The following PDE4A variants were observed in gnomAD, a reference collection of about 807,000 sequenced individuals.
PDE4A encodes 3',5'-cyclic-AMP phosphodiesterase 4A.
In PDE4A, 21 loss-of-function variants were observed where a neutral mutation model predicts 73.9. The observed-to-expected ratio is 0.28, with a 90% CI of 0.20 to 0.41. The LOEUF is 0.41. Ranked by LOEUF, PDE4A falls within the 10% of genes least tolerant of loss-of-function variation. The pLI is 1.00. For missense variants in PDE4A, 958 were observed against 1,211.4 expected, an observed-to-expected ratio of 0.79 and a Z score of 3.10; for synonymous variants, 463 against 505.4, an observed-to-expected ratio of 0.92 and a Z score of 1.13.
Position 10,464,012 on chromosome 19 carries a change from G to A in PDE4A, c.1926+37G>A, listed in dbSNP as rs773247107. ...GGGCATTGATGGACGGGCACAGGGT[G>A]AGTCTCCCCAGCCCATCTTGGCCTG... On this transcript the variant is annotated intron_variant, in intron 14 of 14. Coordinates refer to ENST00000380702, the MANE Select transcript of PDE4A (RefSeq NM_001111307.2). 3.7e-6 allele frequency: 6 copies of A among 1,612,394 alleles called. No homozygotes were observed. In the East Asian group the frequency reaches 1.1e-4, roughly 30 times the overall value.
chr19:10,439,175 TTTTG>T (rs1379981492), intron 1 of PDE4A, among the ~76,000 whole-genome samples: 9 of 152,102 alleles, frequency 5.9e-5, no homozygotes, highest in South Asian at 2.1e-4. Context: ...TTTGAGGGTT[TTTTG>T]TTTGTTTGTT....
chr19:10,438,625 G>C (rs1224624403), intron 1 of PDE4A, among the ~76,000 whole-genome samples: 1 of 151,872 alleles, frequency 6.6e-6, no homozygotes, highest in Non-Finnish European at 1.5e-5. Flanking sequence ...GTTTGTTTTT[G>C]AGACAGAGTT....
rs1362878138 is a variant in PDE4A at position 10,420,717 on chromosome 19, A to G, written c.-48A>G. 1.4e-6 allele frequency: 2 copies of G among 1,447,050 alleles called. No individual in the cohort carries two copies. Among genetic ancestry groups the G allele is most frequent in the South Asian group, 1.4e-5 (1 of 69,832 alleles). The allele number at this position is 1,447,050 out of a possible 1,614,324, so 89.6% of individuals were successfully genotyped here. A position where few individuals can be genotyped will look rare whatever the true frequency, so the allele number is the denominator to read the frequency against. Reference sequence around the variant, plus strand: ...GCTTGCGCGCAGCTGAGCGGGGTGTAGGTTGGAAGGGCCAGGGCCCCCTGG... The same window carrying G: ...GCTTGCGCGCAGCTGAGCGGGGTGTGGGTTGGAAGGGCCAGGGCCCCCTGG... On this transcript the variant is annotated 5_prime_UTR_variant, in exon 1 of 15. Transcript: ENST00000380702. The surrounding 1 kb of genome is among the most constrained non-coding windows in gnomAD (Gnocchi z 6.0).
chr19:10,429,357 T>A (rs2042759169), intron 1 of PDE4A, among the ~76,000 whole-genome samples: 2 of 152,118 alleles, frequency 1.3e-5, no homozygotes, highest in South Asian at 4.1e-4. Context: ...TCTCTTTTTT[T>A]TCGTGAGACA....
At chr19:10,427,707 C>G (rs2042735424) in intron 1 of PDE4A, 1 of 948,278 alleles carries the variant, frequency 1.1e-6, no homozygotes, top group Non-Finnish European at 1.3e-6. Flanking sequence ...AGCCAAGTCA[C>G]TCCTCTCTGG....
chr19:10,440,487 G>A (rs1002721092), intron 1 of PDE4A, among the ~76,000 whole-genome samples: 3 of 152,120 alleles, frequency 2.0e-5, no homozygotes, highest in Admixed American at 1.3e-4. Flanking sequence ...GCAGTGGCAC[G>A]ATGTCAGCTC....
upstream of PDE4A, chr19:10,417,536 G>T: frequency 6.9e-7 from 1 of 1,441,026 alleles, no homozygotes. Flanking sequence ...TGGCTCACAC[G>T]TGAAGGGGAG....
At chr19:10,417,660 A>G (rs1356529354), upstream of PDE4A, 25 of 1,591,782 alleles carry the variant, frequency 1.6e-5, no homozygotes, top group Non-Finnish European at 2.0e-5. Context: ...CCCTCCCCAG[A>G]GGTCGAGGGA....
At chr19:10,417,231 C>A (rs918827366), upstream of PDE4A, 1 of 983,816 alleles carries the variant, frequency 1.0e-6, no homozygotes, top group African/African-American at 1.8e-5. Context: ...AGGATTTTGG[C>A]GAGGAGGTGG....
At chr19:10,422,242 C>T (rs897165568) in intron 1 of PDE4A, among the ~76,000 whole-genome samples, 3 of 152,124 alleles carry the variant, frequency 2.0e-5, no homozygotes, top group African/African-American at 7.2e-5. Context: ...ACTTGGGGAA[C>T]AATGTGATTG....
At chr19:10,457,492 G>A (rs2043190401) in intron 7 of PDE4A, among the ~76,000 whole-genome samples, 1 of 146,684 alleles carries the variant, frequency 6.8e-6, no homozygotes, top group South Asian at 2.2e-4. Context: ...TCTTCCCAGT[G>A]ATGCCACCCC....
chr19:10,417,860 C>G, upstream of PDE4A: 2 of 1,555,830 alleles, frequency 1.3e-6, no homozygotes, highest in Non-Finnish European at 1.7e-6. Flanking sequence ...GGGCCGAGAA[C>G]GACAGGTAGG....
chr19:10,464,452 T>C (rs888909050), intron 14 of PDE4A: 2 of 455,200 alleles, frequency 4.4e-6, no homozygotes, highest in African/African-American at 4.0e-5. Context: ...GGTCTTGCAC[T>C]GTTGCCCAGG....
upstream of PDE4A, chr19:10,417,553 C>T (rs1473209906): frequency 2.1e-6 from 3 of 1,449,908 alleles, no homozygotes; most frequent in African/African-American, 1.4e-5. Context: ...GGAGCCTATA[C>T]CGCCATTAAC....
rs2043324724 is a variant in PDE4A at position 10,464,099 on chromosome 19, G to GGTTTT, written c.1926+135_1926+139dup. 1.0e-5 allele frequency: 14 copies of GGTTTT among 1,341,900 alleles called. No individual in the cohort carries two copies. The South Asian group carries it at 1.8e-4, about 18-fold the overall frequency. 83.1% of individuals were successfully genotyped at this position (1,341,900 alleles called of 1,614,324 possible). A position where few individuals can be genotyped will look rare whatever the true frequency, so the allele number is the denominator to read the frequency against. ...CACAATGCCAAGTTGTCCTGTTTTT[G>GGTTTT]GTTTTGTTTTGTTTTTGAGACGGAG... On this transcript the variant is annotated intron_variant, in intron 14 of 14. Transcript: ENST00000380702.
chr19:10,461,435 G>T, intron 11 of PDE4A, 91 bp from the exon 12 acceptor site: 2 of 1,558,496 alleles, frequency 1.3e-6, no homozygotes, highest in Non-Finnish European at 1.7e-6. Context: ...GCCGGGCTGG[G>T]GAGGGGTTAG....
Position 10,467,366 on chromosome 19 carries a change from C to T in PDE4A, c.2406C>T (p.Phe802=), listed in dbSNP as rs202005713. The part of the protein sequence containing the change: ...APDEFSSREE[F]VVAVSHSSPS... The stretch of plus-strand genomic sequence containing the variant: ...ATGAGTTCTCGTCCCGGGAGGAATT[C>T]GTGGTTGCTGTAAGCCACAGCAGCC... The change falls in exon 15 of 15, where the codon TTC becomes TTT. Residue 802 remains phenylalanine, a synonymous_variant. Transcript: ENST00000380702. The T allele has an allele frequency of 1.7e-5, 28 of 1,614,046 alleles. No homozygotes were observed. The highest frequency in any genetic ancestry group is 2.3e-5 in the Non-Finnish European group (27 of 1,180,026).
rs539697752 is a variant in PDE4A, at chr19:10,461,491, G to GT, written c.1466-34dup. On this transcript the variant is annotated intron_variant, in intron 11 of 14. Transcript: ENST00000380702. ...CCCTCCTGCGGTTGGAGCTGCACAC[G>GT]TGGGCCCTCCCCTGACCTCCGGGCT... is the stretch of plus-strand genomic sequence containing the variant. 3.6e-3 allele frequency: 5,839 copies of GT among 1,609,192 alleles called. 17 individuals carry two copies. The highest frequency in any genetic ancestry group is 4.6e-3 in the Non-Finnish European group (5,416 of 1,178,266).
At chr19:10,435,460 C>T (rs954662273) in intron 1 of PDE4A, among the ~76,000 whole-genome samples, 2 of 151,608 alleles carry the variant, frequency 1.3e-5, no homozygotes, top group Non-Finnish European at 2.9e-5. Flanking sequence ...ACTCAGGAGG[C>T]TGAGGTGGGA....
Sources: gnomAD v4.1 joint callset for allele counts (sites outside exome capture counted in the v4.1 genomes callset) on GRCh38, gnomAD v4.1.1 for gene constraint, Gnocchi (gnomAD v3.1) non-coding constraint, MANE v1.5 for transcripts, NCBI Gene and HGNC (gene_info 2026-07-23, HGNC 2026-07-21) for gene names.